Variants in ABCC9 observed in about 807,000 individuals in gnomAD.
The protein encoded by ABCC9 is ATP binding cassette subfamily C member 9, also known as ATP-binding cassette sub-family C member 9.
In ABCC9, 95 loss-of-function variants were observed where a neutral mutation model predicts 188.3. The observed-to-expected ratio is 0.50, with a 90% CI of 0.43 to 0.60. The LOEUF (loss-of-function observed/expected upper bound fraction) is 0.60, where lower values mean the gene tolerates loss of function less well. Ranked by LOEUF, ABCC9 falls within the 20% of genes least tolerant of loss-of-function variation. ABCC9 has a pLI of 0.00. For synonymous variants in ABCC9, 659 were observed against 652.7 expected, an observed-to-expected ratio of 1.01 and a Z score of -0.15; for missense variants, 1,102 against 1,876.3, an observed-to-expected ratio of 0.59 and a Z score of 7.62.
intron 18 of ABCC9, among the ~76,000 whole-genome samples, chr12:21,869,151 C>T (rs191396857): frequency 2.6e-5 from 4 of 152,204 alleles, no homozygotes; most frequent in East Asian, 1.9e-4. Context: ...CTTTCTGCAG[C>T]GAAGAGATAG....
At chr12:21,901,962 C>T (rs906722330) in intron 12 of ABCC9, among the ~76,000 whole-genome samples, 2 of 152,166 alleles carry the variant, frequency 1.3e-5, no homozygotes, top group African/African-American at 4.8e-5. Context: ...AACAAATAGA[C>T]ATCTACAGAA....
intron 3 of ABCC9, 136 bp from the exon 4 acceptor site, chr12:21,934,059 A>G (rs766023764): frequency 3.9e-6 from 3 of 773,280 alleles, no homozygotes; most frequent in South Asian, 1.7e-5. Context: ...TAGAGTAGCA[A>G]TGGAAATCCT....
intron 32 of ABCC9, among the ~76,000 whole-genome samples, chr12:21,817,767 T>A: frequency 6.6e-6 from 1 of 152,122 alleles, no homozygotes; most frequent in East Asian, 1.9e-4. Context: ...TGGGCCCCAA[T>A]CTACTATTAT....
At chr12:21,842,236 T>C in intron 29 of ABCC9, 78 bp downstream of exon 29, 1 of 1,510,522 alleles carries the variant, frequency 6.6e-7, no homozygotes, top group Non-Finnish European at 9.1e-7. Context: ...TTTTGATCTG[T>C]TGTTGGCAGA....
At position 21,902,534 on chromosome 12, in the gene ABCC9, AATAG is replaced by A. The variant is rs773438668; in HGVS notation, c.1618+3588_1618+3591del. 1.2e-4 allele frequency among the ~76,000 whole-genome samples: 19 copies of A among 152,332 alleles called. No individual in the cohort carries two copies. The South Asian group carries it at 2.5e-3, about 20-fold the overall frequency. ...GCTGGTTTTTTGAAAAGATCAACAA[AATAG>A]ATAGACCACTAGCAAGACTAATGAG... On this transcript the variant is annotated intron_variant, in intron 12 of 39. Transcript: ENST00000261200.
intron 16 of ABCC9, among the ~76,000 whole-genome samples, chr12:21,878,071 G>C (rs143729325): frequency 6.6e-6 from 1 of 152,164 alleles, no homozygotes; most frequent in Non-Finnish European, 1.5e-5. Flanking sequence ...CCAGGATTTT[G>C]TTGTCAGTGA....
At chr12:21,827,286 T>G (rs1180050780) in intron 31 of ABCC9, 18 of 985,210 alleles carry the variant, frequency 1.8e-5, no homozygotes, top group Non-Finnish European at 2.2e-5. Flanking sequence ...TGTTCAACAC[T>G]TATCCATTAA....
At chr12:21,925,707 T>G in intron 5 of ABCC9, 1 of 618,222 alleles carries the variant, frequency 1.6e-6, no homozygotes, top group Non-Finnish European at 2.9e-6. Flanking sequence ...CAGAGAGCAT[T>G]TATTGCAGAA....
chr12:21,813,149 C>G (rs1440382721), intron 35 of ABCC9, among the ~76,000 whole-genome samples: 1 of 152,112 alleles, frequency 6.6e-6, no homozygotes, highest in Non-Finnish European at 1.5e-5. Flanking sequence ...TTGTCATTCA[C>G]TCCTGTATTG....
chr12:21,853,476 T>A (rs1945071610), intron 22 of ABCC9, among the ~76,000 whole-genome samples: 1 of 152,060 alleles, frequency 6.6e-6, no homozygotes, highest in Non-Finnish European at 1.5e-5. Flanking sequence ...TTATTATTAT[T>A]ATATATAAGA....
intron 5 of ABCC9, among the ~76,000 whole-genome samples, chr12:21,918,861 G>C (rs10770867): frequency 0.61 from 93,334 of 151,900 alleles, 28,921 homozygotes; most frequent in East Asian, 0.8. Context: ...ATCAGACACA[G>C]AGATAAGGAG....
At chr12:21,882,986 T>C (rs1946695472) in intron 15 of ABCC9, 113 bp from the exon 16 acceptor site, 2 of 799,474 alleles carry the variant, frequency 2.5e-6, no homozygotes. Context: ...GTGGATGTTA[T>C]ATTTTAATTA....
chr12:21,863,114 T>C, intron 19 of ABCC9, 60 bp from the exon 20 acceptor site: 2 of 1,077,452 alleles, frequency 1.9e-6, no homozygotes, highest in South Asian at 1.4e-5. Context: ...TGTGCGTGTA[T>C]GTATTTTACT....
intron 10 of ABCC9, among the ~76,000 whole-genome samples, chr12:21,909,286 G>A (rs1477161225): frequency 6.6e-6 from 1 of 151,512 alleles, no homozygotes; most frequent in African/African-American, 2.4e-5. Context: ...TTTTGCCTTG[G>A]TTTTCTATTA....
chr12:21,846,657 T>C (rs920534428), intron 25 of ABCC9, among the ~76,000 whole-genome samples: 11 of 152,158 alleles, frequency 7.2e-5, no homozygotes, highest in African/African-American at 2.7e-4. Context: ...ATATTTGAGC[T>C]GGATGCAGTA....
intron 24 of ABCC9, among the ~76,000 whole-genome samples, chr12:21,850,748 C>T (rs1944921598): frequency 6.6e-6 from 1 of 152,066 alleles, no homozygotes; most frequent in Non-Finnish European, 1.5e-5. Flanking sequence ...TTGTCCCTGG[C>T]ATTTAGATCA....
chr12:21,935,447 A>G (rs2138070811), intron 3 of ABCC9, among the ~76,000 whole-genome samples: 1 of 152,286 alleles, frequency 6.6e-6, no homozygotes, highest in African/African-American at 2.4e-5. Context: ...GAATAATGCC[A>G]AGCACATAGT....
At chr12:21,905,843 C>T (rs1240240081) in intron 12 of ABCC9, among the ~76,000 whole-genome samples, 2 of 151,918 alleles carry the variant, frequency 1.3e-5, no homozygotes, top group Non-Finnish European at 2.9e-5. Flanking sequence ...TGAAGAAAAC[C>T]AACGATTTCA....
chr12:21,805,106 T>G, intron 39 of ABCC9: 1 of 1,606,160 alleles, frequency 6.2e-7, no homozygotes, highest in South Asian at 1.1e-5. Flanking sequence ...TAGCCATGCC[T>G]TACTGAGAGG....
Sources: allele counts gnomAD v4.1 joint callset (sites outside exome capture counted in the v4.1 genomes callset), GRCh38; gene constraint gnomAD v4.1.1; transcripts MANE v1.5; gene names NCBI Gene and HGNC (gene_info 2026-07-23, HGNC 2026-07-21).